PKHD1: variants seen among roughly 807,000 people sequenced by gnomAD.
PKHD1 encodes PKHD1 ciliary IPT domain containing fibrocystin/polyductin, also known as fibrocystin.
PKHD1 carries 291 observed loss-of-function variants against 412.0 expected under a neutral mutation model. The observed-to-expected ratio is 0.71, with a 90% CI of 0.64 to 0.78. The LOEUF is 0.78. Ranked by LOEUF, PKHD1 falls within the 30% of genes least tolerant of loss-of-function variation. The pLI is 0.00. For missense variants in PKHD1, 4,825 were observed against 4,950.7 expected (o/e 0.97, Z 0.76); for synonymous variants, 1,777 against 1,821.5 (o/e 0.98, Z 0.62).
intron 60 of PKHD1, chr6:51,721,950 A>C (rs1781973446): frequency 6.2e-7 from 1 of 1,613,252 alleles, no homozygotes; most frequent in South Asian, 1.1e-5. Flanking sequence ...CTGCCTCATT[A>C]ATCTTTCAAA....
intron 5 of PKHD1, 61 bp from the exon 6 acceptor site, chr6:52,076,394 C>A (rs1350941166): frequency 2.1e-5 from 26 of 1,253,556 alleles, no homozygotes; most frequent in Non-Finnish European, 3.1e-5. Context: ...ACACAGGAGG[C>A]ACAAGCCTTT....
chr6:51,996,304 C>G (rs899719483), intron 35 of PKHD1, among the ~76,000 whole-genome samples: 2 of 151,930 alleles, frequency 1.3e-5, no homozygotes, highest in Admixed American at 1.3e-4. Context: ...CCACCGCTCC[C>G]AGTTGGGAAG....
In PKHD1 at chr6:51,799,667, C is replaced by T. The variant is rs74744035; in HGVS notation, c.8303-8294G>A. Among the ~76,000 whole-genome samples, 276 of 152,262 alleles carry T rather than the reference C, an allele frequency of 1.8e-3. 3 individuals are homozygous for T. Among genetic ancestry groups the T allele is most frequent in the African/African-American group, 5.9e-3 (246 of 41,550 alleles). On this transcript the variant is annotated intron_variant, in intron 52 of 66. Transcript: ENST00000371117. ...ACATGAGCAAAAGAATTCACCCTAA[C>T]GTACCCTCCAGAGCAGATCATCTGC...
chr6:51,965,671 A>T (rs868813937), intron 35 of PKHD1, among the ~76,000 whole-genome samples: 11 of 152,042 alleles, frequency 7.2e-5, no homozygotes, highest in African/African-American at 2.7e-4. Flanking sequence ...AAATGTCAAC[A>T]GTACTTTTTG....
At chr6:51,918,633 TGA>T (rs569269117) in intron 37 of PKHD1, among the ~76,000 whole-genome samples, 129 of 152,324 alleles carry the variant, frequency 8.5e-4, no homozygotes, top group Non-Finnish European at 1.5e-3. Context: ...TTTGCTATTG[TGA>T]ACAGTGATTC....
In PKHD1 at chr6:52,025,533, G is replaced by T. The variant is rs771702541; in HGVS notation, c.4277C>A (p.Ser1426Ter). The T allele has an allele frequency of 6.2e-7, 1 of 1,614,086 alleles. No individual in the cohort carries two copies. The highest frequency in any genetic ancestry group is 1.3e-5 in the African/African-American group (1 of 75,020). ...CAAAATCACACAAGTAAAAGGACCCGAGAGGTCAACCCGAACTGACCTCCT... is the reference window on the plus strand; with the variant it reads ...CAAAATCACACAAGTAAAAGGACCCTAGAGGTCAACCCGAACTGACCTCCT... Reference protein sequence around the residue: ...SRRRSVRVDLSGPFTCVILSL... With the variant: ...SRRRSVRVDL Residue 1426 changes from serine (S) to a stop codon, truncating the protein, a stop_gained, in exon 32 of 67, where the codon TCG (serine) becomes TAG (stop). Transcript: ENST00000371117. LOFTEE classifies it high-confidence loss of function.
rs184449494 is a variant in PKHD1 at position 51,938,316 on chromosome 6, A to C, written c.5909-3994T>G. Reference sequence around the variant, plus strand: ...CGTATACATCCAGATGGCCTGAAGTAACTGAAGAATCACAAAAGAAGTGAT... The same window carrying C: ...CGTATACATCCAGATGGCCTGAAGTCACTGAAGAATCACAAAAGAAGTGAT... On this transcript the variant is annotated intron_variant, in intron 36 of 66. Coordinates refer to ENST00000371117, the MANE Select transcript of PKHD1 (RefSeq NM_138694.4). Among the ~76,000 whole-genome samples, 232 of 152,356 alleles carry C rather than the reference A, an allele frequency of 1.5e-3. 2 individuals carry two copies. The highest frequency in any genetic ancestry group is 5.1e-3 in the African/African-American group (211 of 41,588).
intron 60 of PKHD1, among the ~76,000 whole-genome samples, chr6:51,698,181 A>G (rs1779020842): frequency 6.6e-6 from 1 of 152,190 alleles, no homozygotes; most frequent in Admixed American, 6.5e-5. Flanking sequence ...TTTCTTATAA[A>G]ATGTTGAGGT....
intron 46 of PKHD1, among the ~76,000 whole-genome samples, chr6:51,871,025 C>T (rs1335933502): frequency 6.6e-6 from 1 of 151,976 alleles, no homozygotes; most frequent in South Asian, 2.1e-4. Context: ...AATACAGTGA[C>T]AATAGTAAGT....
At chr6:51,887,112 G>A (rs372789599) in intron 44 of PKHD1, 21 bp downstream of exon 44, 34 of 1,430,440 alleles carry the variant, frequency 2.4e-5, no homozygotes, top group Non-Finnish European at 3.4e-5. Context: ...CCAAAACATA[G>A]ATGAATTTCC....
At chr6:51,846,888 T>G (rs1191499633) in intron 50 of PKHD1, among the ~76,000 whole-genome samples, 1 of 152,194 alleles carries the variant, frequency 6.6e-6, no homozygotes, top group East Asian at 1.9e-4. Context: ...CTCTCTGCAT[T>G]GGTACTCTCT....
chr6:51,664,057 G>T lies in PKHD1; in HGVS notation c.10157-4088C>A, dbSNP rs1443682168. ...TTCCAAGGCCAAAATAATAAAAAATGGCCTTTTAAAATGTAATTAACATTT... is the reference window on the plus strand; with the variant it reads ...TTCCAAGGCCAAAATAATAAAAAATTGCCTTTTAAAATGTAATTAACATTT... On this transcript the variant is annotated intron_variant, in intron 60 of 66. Transcript: ENST00000371117. Among the ~76,000 whole-genome samples the T allele has an allele frequency of 2.0e-5, 3 of 152,182 alleles. No individual in the cohort carries two copies. In the East Asian group the frequency reaches 5.8e-4, roughly 29 times the overall value.
intron 60 of PKHD1, among the ~76,000 whole-genome samples, chr6:51,670,471 A>G (rs900412165): frequency 1.3e-4 from 19 of 151,694 alleles, no homozygotes; most frequent in Non-Finnish European, 2.1e-4. Context: ...TCCTGAATAC[A>G]GCACACTGAT....
At chr6:51,885,230 T>A (rs962739550) in intron 45 of PKHD1, among the ~76,000 whole-genome samples, 1 of 152,190 alleles carries the variant, frequency 6.6e-6, no homozygotes, top group Non-Finnish European at 1.5e-5. Flanking sequence ...AGCTTCCTTA[T>A]AAGAAAATCA....
intron 60 of PKHD1, among the ~76,000 whole-genome samples, chr6:51,666,970 G>A (rs1320278872): frequency 6.7e-6 from 1 of 150,368 alleles, no homozygotes; most frequent in African/African-American, 2.5e-5. Flanking sequence ...TTGGTTCCAA[G>A]TCTTTGCTAT....
intron 43 of PKHD1, among the ~76,000 whole-genome samples, chr6:51,891,603 C>A (rs2127573102): frequency 6.6e-6 from 1 of 152,054 alleles, no homozygotes; most frequent in Non-Finnish European, 1.5e-5. Flanking sequence ...TTAAGGGTAA[C>A]TCTCTGAACA....
At chr6:51,660,038 T>C in intron 60 of PKHD1, 69 bp from the exon 61 acceptor site, 1 of 959,480 alleles carries the variant, frequency 1.0e-6, no homozygotes, top group East Asian at 2.6e-5. Context: ...TTGTAATCCA[T>C]CACTCTTGCC....
chr6:51,982,195 A>G (rs1179748432), intron 35 of PKHD1, among the ~76,000 whole-genome samples: 4 of 34,256 alleles, frequency 1.2e-4, no homozygotes, highest in Admixed American at 3.9e-4. Context: ...TGGGGGGGTC[A>G]GCCCCCCGCC....
chr6:51,965,052 T>C (rs1338502339), intron 35 of PKHD1, among the ~76,000 whole-genome samples: 1 of 152,170 alleles, frequency 6.6e-6, no homozygotes, highest in African/African-American at 2.4e-5. Flanking sequence ...CTCTTGGCTA[T>C]TTTAACAGTT....
Sources: allele counts gnomAD v4.1 joint callset (sites outside exome capture counted in the v4.1 genomes callset), GRCh38; gene constraint gnomAD v4.1.1; transcripts MANE v1.5; gene names NCBI Gene and HGNC (gene_info 2026-07-23, HGNC 2026-07-21).